The following GRIK4 variants were observed in gnomAD, a reference collection of about 807,000 sequenced individuals.
GRIK4 encodes the protein glutamate ionotropic receptor kainate type subunit 4.
GRIK4 carries 40 observed loss-of-function variants against 104.9 expected under a neutral mutation model. That is an observed-to-expected ratio of 0.38 (90% confidence interval 0.30 to 0.50). The LOEUF is 0.50. Ranked by LOEUF, GRIK4 falls within the 20% of genes least tolerant of loss-of-function variation. The pLI is 0.93. For missense variants in GRIK4, 1,047 were observed against 1,308.1 expected (o/e 0.80, Z 3.08); for synonymous variants, 485 against 524.9 (o/e 0.92, Z 1.04).
chr11:120,705,382 T>C (rs11217983), intron 3 of GRIK4, among the ~76,000 whole-genome samples: 35,974 of 151,900 alleles, frequency 0.24, 6,208 homozygotes, highest in African/African-American at 0.49. Context: ...CCTGCCACCT[T>C]GCCCAGCTAA....
intron 6 of GRIK4, among the ~76,000 whole-genome samples, chr11:120,824,901 T>G (rs1016681382): frequency 2.6e-5 from 4 of 151,456 alleles, no homozygotes; most frequent in African/African-American, 9.7e-5. Context: ...TCTTTCTGAG[T>G]TTTTTGTTTG....
At chr11:120,823,894 G>C (rs1479937134) in intron 6 of GRIK4, among the ~76,000 whole-genome samples, 1 of 152,156 alleles carries the variant, frequency 6.6e-6, no homozygotes, top group African/African-American at 2.4e-5. Flanking sequence ...CACCCTCCAG[G>C]GCCAGAGCAG....
intron 1 of GRIK4, among the ~76,000 whole-genome samples, chr11:120,634,764 C>T (rs913301724): frequency 1.3e-5 from 2 of 152,092 alleles, no homozygotes; most frequent in Non-Finnish European, 2.9e-5. Context: ...AAGAGACCCT[C>T]GTGGGCAGGA....
chr11:120,863,991 A>G (rs1430399455), intron 9 of GRIK4, among the ~76,000 whole-genome samples: 1 of 152,140 alleles, frequency 6.6e-6, no homozygotes, highest in Non-Finnish European at 1.5e-5. Flanking sequence ...CCAACAAGAT[A>G]TTTTAGACCT....
At position 120,790,764 on chromosome 11, in the gene GRIK4, G is replaced by A. The variant is rs74337270; in HGVS notation, c.83-11929G>A. ...AAAGAAAGCAAGGAGTGGCGGCAGT[G>A]GGAACAGAAGGGGGGCAGTGGGTGG... On this transcript the variant is annotated intron_variant, in intron 3 of 20. Coordinates refer to ENST00000527524, the MANE Select transcript of GRIK4 (RefSeq NM_014619.5). Among the ~76,000 whole-genome samples, 520 of 152,256 alleles carry A rather than the reference G, an allele frequency of 3.4e-3. 4 individuals are homozygous for A. The highest frequency in any genetic ancestry group is 0.012 in the African/African-American group (509 of 41,532).
chr11:120,806,222 C>T (rs182593188), intron 4 of GRIK4, among the ~76,000 whole-genome samples: 22 of 152,302 alleles, frequency 1.4e-4, no homozygotes, highest in Non-Finnish European at 3.2e-4. Context: ...CCCCCTCTCT[C>T]TTGTTTCAAG....
chr11:120,710,415 C>G (rs1218757111), intron 3 of GRIK4, among the ~76,000 whole-genome samples: 1 of 152,126 alleles, frequency 6.6e-6, no homozygotes, highest in Non-Finnish European at 1.5e-5. Context: ...CCTGGTGGAC[C>G]CCAGGGGTGG....
At chr11:120,668,097 A>G (rs1376571195) in intron 3 of GRIK4, among the ~76,000 whole-genome samples, 3 of 132,632 alleles carry the variant, frequency 2.3e-5, no homozygotes, top group African/African-American at 8.7e-5. Flanking sequence ...ATGGATAGAT[A>G]GATGGATAGA....
chr11:120,776,341 A>T (rs1423377983), intron 3 of GRIK4, among the ~76,000 whole-genome samples: 2 of 152,154 alleles, frequency 1.3e-5, no homozygotes, highest in Non-Finnish European at 2.9e-5. Flanking sequence ...GCTCAGAGGG[A>T]AGCTGAGTTC....
intron 3 of GRIK4, among the ~76,000 whole-genome samples, chr11:120,749,960 T>A (rs904718498): frequency 9.8e-5 from 15 of 152,336 alleles, no homozygotes; most frequent in Admixed American, 9.8e-4. Flanking sequence ...ATGTGCTTTG[T>A]TAGCTGTGTG....
intron 1 of GRIK4, among the ~76,000 whole-genome samples, chr11:120,515,795 T>G (rs1327227650): frequency 6.6e-6 from 1 of 152,208 alleles, no homozygotes; most frequent in Non-Finnish European, 1.5e-5. Flanking sequence ...AAATCCAGTA[T>G]GAACAAAAAA....
chr11:120,633,436 G>A (rs140988792), intron 1 of GRIK4, among the ~76,000 whole-genome samples: 2 of 152,238 alleles, frequency 1.3e-5, no homozygotes, highest in Middle Eastern at 3.4e-3. Flanking sequence ...TTCTGTGCAC[G>A]TGAGCACATG....
chr11:120,638,212 A>G (rs1328061598), intron 1 of GRIK4, among the ~76,000 whole-genome samples: 1 of 152,140 alleles, frequency 6.6e-6, no homozygotes. Context: ...ATTATATAGC[A>G]CTTACTATGT....
intron 1 of GRIK4, among the ~76,000 whole-genome samples, chr11:120,522,228 G>T (rs151335624): frequency 3.3e-5 from 5 of 152,244 alleles, no homozygotes; most frequent in Non-Finnish European, 7.3e-5. Flanking sequence ...CTTGCCCGGC[G>T]TAGGGAATGT....
chr11:120,844,052 C>T (rs1953791508), intron 8 of GRIK4, among the ~76,000 whole-genome samples: 1 of 152,134 alleles, frequency 6.6e-6, no homozygotes, highest in Admixed American at 6.5e-5. Flanking sequence ...TGTCAGTAGA[C>T]CTGAGCCTAT....
At chr11:120,864,296 A>G (rs1199546945) in intron 9 of GRIK4, among the ~76,000 whole-genome samples, 1 of 151,364 alleles carries the variant, frequency 6.6e-6, no homozygotes, top group Non-Finnish European at 1.5e-5. Flanking sequence ...GCTGGAGTGC[A>G]GTGGCGCGAT....
chr11:120,718,589 C>A (rs1950878796), intron 3 of GRIK4, among the ~76,000 whole-genome samples: 1 of 152,216 alleles, frequency 6.6e-6, no homozygotes, highest in Non-Finnish European at 1.5e-5. Context: ...CCAATCCTGT[C>A]CTTGAGATGG....
intron 1 of GRIK4, among the ~76,000 whole-genome samples, chr11:120,546,213 C>T (rs1380927217): frequency 2.0e-5 from 3 of 152,300 alleles, no homozygotes; most frequent in South Asian, 2.1e-4. Context: ...GCCCTTGCAG[C>T]GTTGGTGCTG....
At chr11:120,631,320 C>T (rs1335126674) in intron 1 of GRIK4, among the ~76,000 whole-genome samples, 1 of 152,178 alleles carries the variant, frequency 6.6e-6, no homozygotes, top group Non-Finnish European at 1.5e-5. Context: ...AGATGCTGAC[C>T]CTAGGGTCTG....
Sources: gnomAD v4.1 joint callset for allele counts (sites outside exome capture counted in the v4.1 genomes callset) on GRCh38, gnomAD v4.1.1 for gene constraint, MANE v1.5 for transcripts, NCBI Gene and HGNC (gene_info 2026-07-23, HGNC 2026-07-21) for gene names.